STXBP2: variants seen among roughly 807,000 people sequenced by gnomAD.
STXBP2 encodes the protein syntaxin-binding protein 2.
A neutral mutation model predicts 72.2 loss-of-function variants in STXBP2; 47 were observed. That is an observed-to-expected ratio of 0.65 (90% CI 0.51 to 0.83). The LOEUF (loss-of-function observed/expected upper bound fraction) is 0.83, where lower values mean the gene tolerates loss of function less well. Among genes scored for constraint, STXBP2 ranks in the 40% least tolerant of loss-of-function variants. STXBP2 has a pLI of 0.00. For synonymous variants in STXBP2, 367 were observed against 338.7 expected (o/e 1.08, Z -0.92); for missense variants, 702 against 807.6 (o/e 0.87, Z 1.58).
chr19:7,640,896 C>T lies in STXBP2; in HGVS notation c.326-4C>T, dbSNP rs199678634. Reference sequence around the variant, plus strand: ...CCTGATGCCCCACTCCTGCCTCACCCCAGCCTGCCCCGAGCCCCTGTTCAG... The same window carrying T: ...CCTGATGCCCCACTCCTGCCTCACCTCAGCCTGCCCCGAGCCCCTGTTCAG... On this transcript the variant is annotated splice_polypyrimidine_tract_variant and splice_region_variant and intron_variant, in intron 5 of 18. Transcript: ENST00000221283. 1 of 1,614,174 alleles carries T rather than the reference C, an allele frequency of 6.2e-7. No individual in the cohort carries two copies. Among genetic ancestry groups the T allele is most frequent in the Non-Finnish European group, 8.5e-7 (1 of 1,180,010 alleles).
At chr19:7,638,470 C>T (rs953571028) in intron 1 of STXBP2, among the ~76,000 whole-genome samples, 4 of 152,088 alleles carry the variant, frequency 2.6e-5, no homozygotes, top group African/African-American at 9.7e-5. Context: ...GTGGGTGGTA[C>T]ATGCACCTGT....
chr19:7,635,513 A>T (rs1006957596), upstream of STXBP2, among the ~76,000 whole-genome samples: 3 of 152,114 alleles, frequency 2.0e-5, no homozygotes, highest in African/African-American at 7.2e-5. Context: ...TGGGCAACAT[A>T]GGGAGATCCT....
upstream of STXBP2, chr19:7,632,636 C>T (rs1010843227): frequency 6.4e-7 from 1 of 1,571,396 alleles, no homozygotes; most frequent in African/African-American, 1.3e-5. The surrounding 1 kb of genome is among the most constrained non-coding windows in gnomAD (Gnocchi z 5.2). Flanking sequence ...CCCGTGCCCC[C>T]AGGCCCTCCA....
chr19:7,646,293 G>A lies in STXBP2; in HGVS notation c.1401G>A (p.Glu467=). 6.2e-7 allele frequency: 1 copy of A among 1,611,698 alleles called. No homozygotes were observed. The highest frequency in any genetic ancestry group is 8.5e-7 in the Non-Finnish European group (1 of 1,179,272). ...GGCTGGAGCCGAGAGAACGCATGGAGCCCACCTATCAGCTGTCCCGCTGGA... is the reference window on the plus strand; with the variant it reads ...GGCTGGAGCCGAGAGAACGCATGGAACCCACCTATCAGCTGTCCCGCTGGA... The part of the protein sequence containing the change: ...SSRLEPRERM[E]PTYQLSRWTP... Residue 467 remains glutamate, a synonymous_variant, in exon 16 of 19, where the codon GAG becomes GAA. Coordinates refer to ENST00000221283, the MANE Select transcript of STXBP2 (RefSeq NM_006949.4).
At chr19:7,645,421 G>A (rs2032094934) in intron 15 of STXBP2, 115 bp downstream of exon 15, 1 of 1,080,496 alleles carries the variant, frequency 9.3e-7, no homozygotes, top group Non-Finnish European at 1.3e-6. Context: ...GGCGTGGTGT[G>A]GTTGCTGGGA....
intron 18 of STXBP2, 71 bp from the exon 19 acceptor site, chr19:7,647,654 G>T: frequency 6.2e-7 from 1 of 1,602,804 alleles, no homozygotes; most frequent in Non-Finnish European, 8.5e-7. Flanking sequence ...CACACCAGCC[G>T]GGACCGGGAG....
chr19:7,647,318 C>T, intron 17 of STXBP2, 36 bp from the exon 18 acceptor site: 1 of 1,612,172 alleles, frequency 6.2e-7, no homozygotes, highest in Non-Finnish European at 8.5e-7. Flanking sequence ...GCGGTGAGGG[C>T]CTCCTGCCTG....
chr19:7,631,596 T>TATAC, the STXBP2 span: 1 of 1,511,112 alleles, frequency 6.6e-7, no homozygotes, highest in Admixed American at 2.2e-5. Context: ...CCTGATGAAA[T>TATAC]ATACATATAC....
At position 7,642,525 on chromosome 19, in the gene STXBP2, A is replaced by T; in HGVS notation, c.891A>T (p.Ala297=). 6.2e-7 allele frequency: 1 copy of T among 1,613,994 alleles called. No individual in the cohort carries two copies. The highest frequency in any genetic ancestry group is 8.5e-7 in the Non-Finnish European group (1 of 1,180,002). Residue 297 remains alanine, a synonymous_variant, in exon 10 of 19, where the codon GCA becomes GCT. Coordinates refer to ENST00000221283, the MANE Select transcript of STXBP2 (RefSeq NM_006949.4). The surrounding 1 kb of genome is among the most constrained non-coding windows in gnomAD (Gnocchi z 6.0). ...LWVELRHMHI[A]DVSKKVTELL... is the part of the protein sequence containing the mutation. The stretch of plus-strand genomic sequence containing the variant: ...TGGAGCTTCGCCACATGCATATCGC[A>T]GATGTGTCCAAGTGCGTGCACACGG...
In STXBP2 at chr19:7,647,771, G is replaced by C; in HGVS notation, c.1743G>C (p.Lys581Asn). The change falls in exon 19 of 19, where the codon AAG (lysine) becomes AAC (asparagine). Residue 581 changes from lysine to asparagine, a missense_variant. Physicochemically the swap from Lys to Asn is moderately conservative, Grantham distance 94. Coordinates refer to ENST00000221283, the MANE Select transcript of STXBP2 (RefSeq NM_006949.4). ...CGACCCGCTTCCTGGATGACCTGAAGGCACTGGACAAGAAGCTGGAGGACA... is the reference window on the plus strand; with the variant it reads ...CGACCCGCTTCCTGGATGACCTGAACGCACTGGACAAGAAGCTGGAGGACA... Reference protein sequence around the residue: ...LTPTRFLDDLKALDKKLEDIA... With the variant: ...LTPTRFLDDLNALDKKLEDIA... 6.2e-7 allele frequency: 1 copy of C among 1,614,084 alleles called. No individual in the cohort carries two copies. Among genetic ancestry groups the C allele is most frequent in the Non-Finnish European group, 8.5e-7 (1 of 1,180,022 alleles).
intron 4 of STXBP2, chr19:7,640,317 T>C (rs2031785923): frequency 3.6e-6 from 2 of 556,820 alleles, no homozygotes; most frequent in East Asian, 4.1e-5. Flanking sequence ...TGTGTGCATC[T>C]GTGTGTGCGT....
chr19:7,639,577 G>T (rs1016747937), intron 3 of STXBP2, 154 bp from the exon 4 acceptor site: 31 of 720,638 alleles, frequency 4.3e-5, no homozygotes, highest in Non-Finnish European at 7.4e-5. Flanking sequence ...CTGTCGTGTG[G>T]CTCTTAGCTG....
chr19:7,642,881 G>T lies in STXBP2; in HGVS notation c.960+58G>T. On this transcript the variant is annotated intron_variant, in intron 11 of 18. Coordinates refer to ENST00000221283, the MANE Select transcript of STXBP2 (RefSeq NM_006949.4). The surrounding 1 kb of genome is among the most constrained non-coding windows in gnomAD (Gnocchi z 6.0). ...GTGGAAGGAAGCCCCCCTCCCCATG[G>T]GCGCAGGGCCACAGCCTGGATTTCG... The T allele has an allele frequency of 1.9e-6, 3 of 1,613,480 alleles. No homozygotes were observed. The Admixed American group carries it at 5.0e-5, about 27-fold the overall frequency.
At chr19:7,643,424 C>T (rs2031978196) in intron 13 of STXBP2, 179 bp downstream of exon 13, 3 of 696,504 alleles carry the variant, frequency 4.3e-6, no homozygotes, top group Admixed American at 4.5e-5. Context: ...GAGAAACGGT[C>T]CTAGGATGAG....
upstream of STXBP2, chr19:7,631,934 T>G: frequency 1.0e-6 from 1 of 981,742 alleles, no homozygotes; most frequent in Non-Finnish European, 1.4e-6. Flanking sequence ...TGGTCTATGT[T>G]TACCCTCAAT....
chr19:7,632,070 A>C (rs2279040), upstream of STXBP2: 174,240 of 544,306 alleles, frequency 0.32, 29,464 homozygotes, highest in Non-Finnish European at 0.36. The surrounding 1 kb of genome is among the most constrained non-coding windows in gnomAD (Gnocchi z 5.2). Context: ...AGATGTATAT[A>C]TCCTATGTGT....
At chr19:7,629,907 C>T in the STXBP2 span, 1 of 1,490,006 alleles carries the variant, frequency 6.7e-7, no homozygotes, top group Admixed American at 2.3e-5. Flanking sequence ...GGGGATCTTC[C>T]TGGATCTGAA....
upstream of STXBP2, among the ~76,000 whole-genome samples, chr19:7,635,597 G>A (rs959684947): frequency 6.6e-5 from 10 of 152,112 alleles, no homozygotes; most frequent in East Asian, 1.9e-4. Flanking sequence ...TTGGGTGGCC[G>A]AAGTGGAAGA....
chr19:7,635,416 A>G (rs1382895184), upstream of STXBP2, among the ~76,000 whole-genome samples: 1 of 152,208 alleles, frequency 6.6e-6, no homozygotes, highest in Non-Finnish European at 1.5e-5. Flanking sequence ...AGGAAGGGGC[A>G]GGGTGCGGTG....
Sources: allele counts gnomAD v4.1 joint callset (sites outside exome capture counted in the v4.1 genomes callset), GRCh38; gene constraint gnomAD v4.1.1; non-coding constraint Gnocchi (gnomAD v3.1); transcripts MANE v1.5; gene names NCBI Gene and HGNC (gene_info 2026-07-23, HGNC 2026-07-21).